CCDC138: variants seen among roughly 807,000 people sequenced by gnomAD.
CCDC138 encodes the protein coiled-coil domain-containing protein 138.
A neutral mutation model predicts 82.3 loss-of-function variants in CCDC138; 66 were observed. The observed-to-expected ratio is 0.80, with a 90% CI of 0.66 to 0.98. The LOEUF (loss-of-function observed/expected upper bound fraction) is 0.98, where lower values mean the gene tolerates loss of function less well. Among genes scored for constraint, CCDC138 ranks in the 50% least tolerant of loss-of-function variants. CCDC138 has a pLI of 0.00. For synonymous variants in CCDC138, 297 were observed against 265.4 expected (o/e 1.12, Z -1.16); for missense variants, 816 against 758.9 (o/e 1.08, Z -0.88).
chr2:108,873,772 A>G (rs901485456), intron 14 of CCDC138, among the ~76,000 whole-genome samples, 183 bp downstream of exon 14: 3 of 152,214 alleles, frequency 2.0e-5, no homozygotes, highest in African/African-American at 7.2e-5. Context: ...ACAAAACCTC[A>G]TAGTGTTTTC....
chr2:108,839,604 C>T (rs961347365), intron 11 of CCDC138, among the ~76,000 whole-genome samples: 6 of 151,902 alleles, frequency 3.9e-5, no homozygotes, highest in African/African-American at 1.5e-4. Context: ...TCTTGTTTAC[C>T]TTTTTGGCTG....
At chr2:108,882,115 A>C (rs1029459761) in intron 1 of CCDC138, 1 of 152,242 alleles carries the variant, frequency 6.6e-6, no homozygotes, top group Non-Finnish European at 1.5e-5. Context: ...GATCACACCA[A>C]TGCACTCCGG....
intron 13 of CCDC138, among the ~76,000 whole-genome samples, chr2:108,858,544 T>G (rs1265510028): frequency 1.3e-5 from 2 of 152,162 alleles, no homozygotes; most frequent in African/African-American, 2.4e-5. Flanking sequence ...TAATGTAAAT[T>G]CAGTACTTGT....
chr2:108,788,000 A>G (rs1450662229), intron 1 of CCDC138, 32 bp from the exon 2 acceptor site: 7 of 1,453,296 alleles, frequency 4.8e-6, no homozygotes, highest in South Asian at 2.5e-5. Context: ...GATTTTTAGT[A>G]TACAAATTAA....
chr2:108,824,099 C>CGA (rs1209057270), intron 10 of CCDC138, among the ~76,000 whole-genome samples: 2 of 152,034 alleles, frequency 1.3e-5, no homozygotes, highest in Non-Finnish European at 2.9e-5. Flanking sequence ...GTGTGAAAGT[C>CGA]TAAGACATGC....
At chr2:108,834,676 G>A (rs1450693004) in intron 10 of CCDC138, among the ~76,000 whole-genome samples, 4 of 152,150 alleles carry the variant, frequency 2.6e-5, no homozygotes, top group African/African-American at 7.2e-5. Flanking sequence ...TCCCAATGCT[G>A]TACAACCATC....
At chr2:108,850,790 A>T (rs1028676556) in intron 12 of CCDC138, among the ~76,000 whole-genome samples, 8 of 151,478 alleles carry the variant, frequency 5.3e-5, no homozygotes, top group African/African-American at 1.9e-4. Flanking sequence ...TCTAGGGAAA[A>T]CTCTTTAACT....
intron 5 of CCDC138, among the ~76,000 whole-genome samples, chr2:108,796,198 G>A (rs1680846526): frequency 6.6e-6 from 1 of 151,994 alleles, no homozygotes; most frequent in Admixed American, 6.5e-5. Flanking sequence ...ACAGGCACCT[G>A]CCACCGCGCC....
chr2:108,865,133 T>A (rs1031156723), intron 13 of CCDC138, among the ~76,000 whole-genome samples: 1 of 152,048 alleles, frequency 6.6e-6, no homozygotes, highest in African/African-American at 2.4e-5. Flanking sequence ...CTACTAAGTT[T>A]TATATATATT....
chr2:108,840,009 G>C (rs1689194778), intron 11 of CCDC138, among the ~76,000 whole-genome samples: 1 of 151,854 alleles, frequency 6.6e-6, no homozygotes, highest in Non-Finnish European at 1.5e-5. Context: ...TATTTTCATA[G>C]ATACTTTCAA....
intron 6 of CCDC138, among the ~76,000 whole-genome samples, chr2:108,800,608 CTTTTTTTTTT>C (rs67529329): frequency 2.1e-4 from 7 of 33,492 alleles, no homozygotes; most frequent in East Asian, 2.4e-3. Flanking sequence ...CTCAGTTTAG[CTTTTTTTTTT>C]TTTTTTTTTT....
chr2:108,814,428 C>T (rs1684403411), intron 9 of CCDC138, among the ~76,000 whole-genome samples: 1 of 151,874 alleles, frequency 6.6e-6, no homozygotes, highest in Non-Finnish European at 1.5e-5. Flanking sequence ...ACTTTATATT[C>T]AGGGACTGAA....
In CCDC138 at chr2:108,821,352, C is replaced by T. The variant is rs138089186; in HGVS notation, c.1206+5247C>T. On this transcript the variant is annotated intron_variant, in intron 10 of 14. Coordinates refer to ENST00000295124, the MANE Select transcript of CCDC138 (RefSeq NM_144978.3). Reference sequence around the variant, plus strand: ...CAGCCTGGGCAACAGGGTGAGACTCCGTCTCAAAAAAAATAGAATTTGTGA... The same window carrying T: ...CAGCCTGGGCAACAGGGTGAGACTCTGTCTCAAAAAAAATAGAATTTGTGA... Among the ~76,000 whole-genome samples the T allele has an allele frequency of 8.2e-3, 1,230 of 149,262 alleles. 22 individuals carry two copies. The highest frequency in any genetic ancestry group is 0.027 in the Middle Eastern group (8 of 294).
At chr2:108,789,080 GT>G (rs1313665883) in intron 3 of CCDC138, 114 bp downstream of exon 3, 1 of 950,136 alleles carries the variant, frequency 1.1e-6, no homozygotes, top group African/African-American at 1.7e-5. Context: ...ATGAGGACAA[GT>G]ATAAGGCAGT....
chr2:108,848,407 ACT>A (rs1485790045), intron 12 of CCDC138, among the ~76,000 whole-genome samples: 2 of 152,240 alleles, frequency 1.3e-5, no homozygotes, highest in South Asian at 2.1e-4. Flanking sequence ...ATTTGTGGAG[ACT>A]CTGTATTAAT....
At chr2:108,874,760 C>G (rs1695774941) in intron 14 of CCDC138, among the ~76,000 whole-genome samples, 1 of 152,134 alleles carries the variant, frequency 6.6e-6, no homozygotes, top group African/African-American at 2.4e-5. Context: ...GTTACTAGCG[C>G]TGAATTTATC....
At chr2:108,788,407 C>T (rs1679295973) in intron 2 of CCDC138, among the ~76,000 whole-genome samples, 1 of 124,890 alleles carries the variant, frequency 8.0e-6, no homozygotes, top group Admixed American at 8.5e-5. Context: ...GCAACAAGAG[C>T]GAAACTCAGT....
rs558670801 is a variant in CCDC138 at position 108,837,999 on chromosome 2, A to T, written c.1207-1186A>T. On this transcript the variant is annotated intron_variant, in intron 10 of 14. Transcript: ENST00000295124. ...GAGTCAAGGGGAAAGCACTGGGCAG[A>T]CCCTTTATTGTGGTTTCCACATGAA... is the stretch of plus-strand genomic sequence containing the variant. 2.6e-5 allele frequency among the ~76,000 whole-genome samples: 4 copies of T among 152,034 alleles called. No homozygotes were observed. The East Asian group carries it at 7.7e-4, about 29-fold the overall frequency.
intron 10 of CCDC138, among the ~76,000 whole-genome samples, 179 bp downstream of exon 10, chr2:108,816,284 C>G (rs530826537): frequency 1.3e-5 from 2 of 152,094 alleles, no homozygotes; most frequent in South Asian, 4.2e-4. Flanking sequence ...AACCCCGTCT[C>G]TACTAAAAAT....
Sources: gnomAD v4.1 joint callset for allele counts (sites outside exome capture counted in the v4.1 genomes callset) on GRCh38, gnomAD v4.1.1 for gene constraint, MANE v1.5 for transcripts, NCBI Gene and HGNC (gene_info 2026-07-23, HGNC 2026-07-21) for gene names.